DMD: variants seen among roughly 807,000 people sequenced by gnomAD.
DMD encodes the protein dystrophin.
A neutral mutation model predicts 330.1 loss-of-function variants in DMD; 63 were observed. The observed-to-expected ratio is 0.19, with a 90% CI of 0.16 to 0.24. DMD has a LOEUF of 0.24. DMD is among the 10% of genes least tolerant of loss of function. The pLI, the probability that DMD is intolerant of heterozygous loss-of-function variation, is 1.00. For missense variants in DMD, 3,344 were observed against 2,684.1 expected (o/e 1.25, Z -5.43); for synonymous variants, 1,223 against 959.8 (o/e 1.27, Z -5.07).
At chrX:33,038,813 C>T (rs1437109073) in intron 1 of DMD, among the ~76,000 whole-genome samples, 5 of 110,241 alleles carry the variant, frequency 4.5e-5, no homozygotes, top group African/African-American at 9.9e-5. Context: ...GCCAACATGG[C>T]GAAACCCCGT....
chrX:32,777,251 C>T (rs1332961248), intron 7 of DMD, among the ~76,000 whole-genome samples: 3 of 18,943 alleles, frequency 1.6e-4, no homozygotes, highest in African/African-American at 2.7e-4. Flanking sequence ...ACTGGAAGTT[C>T]CTAGTTTTTA....
intron 43 of DMD, among the ~76,000 whole-genome samples, chrX:32,250,663 T>C (rs975663626): frequency 1.8e-5 from 2 of 111,735 alleles, no homozygotes; most frequent in Non-Finnish European, 3.8e-5. Context: ...GCAATCAACA[T>C]ATGGTCAGCC....
chrX:31,393,479 AAAAAAAAAAAAAC>A (rs1167386300), intron 60 of DMD, among the ~76,000 whole-genome samples: 1,638 of 104,730 alleles, frequency 0.016, 33 homozygotes, highest in African/African-American at 0.058. Flanking sequence ...TCCATCTCAA[AAAAAAAAAAAAAC>A]AAAAAAAAAA....
chrX:33,039,017 A>T (rs1325565633), intron 1 of DMD, among the ~76,000 whole-genome samples: 1 of 111,755 alleles, frequency 8.9e-6, no homozygotes, highest in Admixed American at 9.5e-5. Flanking sequence ...AAGAAAAATG[A>T]AATTTTTTCT....
At chrX:31,510,011 T>G (rs2147206099) in intron 55 of DMD, among the ~76,000 whole-genome samples, 1 of 112,417 alleles carries the variant, frequency 8.9e-6, no homozygotes, top group Non-Finnish European at 1.9e-5. Flanking sequence ...AAAGTTATCT[T>G]AGCATTGGCA....
intron 53 of DMD, among the ~76,000 whole-genome samples, chrX:31,671,570 A>C (rs986628725): frequency 8.9e-6 from 1 of 112,009 alleles, no homozygotes; most frequent in East Asian, 2.8e-4. Context: ...TTTTTGGAAG[A>C]GTTGTTTATA....
chrX:33,231,660 C>T (rs764241768), intron 1 of DMD, among the ~76,000 whole-genome samples: 8 of 111,306 alleles, frequency 7.2e-5, no homozygotes, highest in Non-Finnish European at 1.5e-4. Context: ...AGACAACCTC[C>T]AGTAGGCAAT....
chrX:32,445,796 A>G (rs1234360990), intron 27 of DMD, among the ~76,000 whole-genome samples: 1 of 111,458 alleles, frequency 9.0e-6, no homozygotes, highest in African/African-American at 3.2e-5. Flanking sequence ...ACCATAACAA[A>G]GAACAGATTT....
At chrX:31,513,984 G>T (rs2071923711) in intron 55 of DMD, among the ~76,000 whole-genome samples, 1 of 112,117 alleles carries the variant, frequency 8.9e-6, no homozygotes, top group Non-Finnish European at 1.9e-5. Flanking sequence ...TAGCCACTAG[G>T]CTATATTACC....
At chrX:32,220,028 T>C (rs746973342) in intron 43 of DMD, among the ~76,000 whole-genome samples, 1 of 111,510 alleles carries the variant, frequency 9.0e-6, no homozygotes, top group African/African-American at 3.3e-5. Flanking sequence ...CACTTGCTCA[T>C]GGTATCCGTA....
At chrX:31,702,253 T>C (rs1235817775) in intron 52 of DMD, among the ~76,000 whole-genome samples, 1 of 112,016 alleles carries the variant, frequency 8.9e-6, no homozygotes, top group Admixed American at 9.5e-5. Flanking sequence ...CATGTATGTA[T>C]ATTGCTTCAT....
At chrX:33,252,165 C>A (rs2052782032) in intron 1 of DMD, among the ~76,000 whole-genome samples, 1 of 111,537 alleles carries the variant, frequency 9.0e-6, no homozygotes. Flanking sequence ...TATTGAGAAA[C>A]AATTTACAGA....
intron 61 of DMD, among the ~76,000 whole-genome samples, chrX:31,341,199 G>T (rs2057708187): frequency 1.8e-5 from 2 of 111,747 alleles, no homozygotes; most frequent in African/African-American, 6.5e-5. Flanking sequence ...TATGTTCCAG[G>T]CACTACTCTA....
chrX:31,314,826 C>CT (rs922085535), intron 62 of DMD, among the ~76,000 whole-genome samples: 8 of 106,527 alleles, frequency 7.5e-5, no homozygotes, highest in Non-Finnish European at 1.5e-4. Context: ...ATTTAATACC[C>CT]TCTCCCTACC....
chrX:32,185,670 T>C (rs542486402), intron 44 of DMD, among the ~76,000 whole-genome samples: 1 of 111,592 alleles, frequency 9.0e-6, no homozygotes, highest in East Asian at 2.8e-4. Context: ...CTTATCAGTC[T>C]TGAAAATCCT....
At chrX:32,902,282 A>T (rs767491960) in intron 2 of DMD, among the ~76,000 whole-genome samples, 1 of 109,595 alleles carries the variant, frequency 9.1e-6, no homozygotes, top group African/African-American at 3.4e-5. Flanking sequence ...CACAAGTAAA[A>T]ATTTACAAAG....
chrX:33,074,944 T>C (rs2094816182), intron 1 of DMD, among the ~76,000 whole-genome samples: 1 of 111,644 alleles, frequency 9.0e-6, no homozygotes, highest in South Asian at 3.7e-4. Context: ...TAAATGACAA[T>C]AGCCCTTCCC....
At chrX:32,233,764 C>A (rs1386844308) in intron 43 of DMD, among the ~76,000 whole-genome samples, 1 of 108,906 alleles carries the variant, frequency 9.2e-6, no homozygotes, top group Non-Finnish European at 1.9e-5. Flanking sequence ...TCCTGAGTAG[C>A]TGGGGTTACA....
At chrX:31,625,151 T>C (rs181442506) in intron 55 of DMD, among the ~76,000 whole-genome samples, 2 of 112,401 alleles carry the variant, frequency 1.8e-5, no homozygotes, top group East Asian at 2.8e-4. Flanking sequence ...CCATAAAATG[T>C]AGTTTAAACC....
Sources: allele counts gnomAD v4.1 joint callset (sites outside exome capture counted in the v4.1 genomes callset), GRCh38; gene constraint gnomAD v4.1.1; transcripts MANE v1.5; gene names NCBI Gene and HGNC (gene_info 2026-07-23, HGNC 2026-07-21).